The following METTL4 variants were observed in gnomAD, a reference collection of about 807,000 sequenced individuals.
METTL4 encodes the protein methyltransferase 4, N6-adenosine.
A neutral mutation model predicts 54.0 loss-of-function variants in METTL4; 40 were observed. That is an observed-to-expected ratio of 0.74 (90% CI 0.58 to 0.96). The LOEUF (loss-of-function observed/expected upper bound fraction) is 0.96. Ranked by LOEUF, METTL4 falls within the 50% of genes least tolerant of loss-of-function variation. METTL4 has a pLI of 0.00. For missense variants in METTL4, 525 were observed against 549.0 expected (o/e 0.96, Z 0.44); for synonymous variants, 169 against 183.8 (o/e 0.92, Z 0.65).
Position 2,567,253 on chromosome 18 carries a change from T to G in METTL4, c.-37A>C, listed in dbSNP as rs376310702. On this transcript the variant is annotated 5_prime_UTR_variant, in exon 2 of 9. Coordinates refer to ENST00000574538, the MANE Select transcript of METTL4 (RefSeq NM_022840.5). ...AAAAAAGCCTCTGGGAATTAGGAAC[T>G]AGAATGAAAATCCAACTTTCCAGAT... 4.6e-6 allele frequency: 7 copies of G among 1,524,878 alleles called. No individual in the cohort carries two copies. The highest frequency in any genetic ancestry group is 6.1e-6 in the Non-Finnish European group (7 of 1,139,298). 94.5% of individuals were successfully genotyped at this position (1,524,878 alleles called of 1,614,324 possible). A position where few individuals can be genotyped will look rare whatever the true frequency, so the allele number is the denominator to read the frequency against.
rs184248147 is a variant in METTL4 at position 2,555,661 on chromosome 18, A to G, written c.460-623T>C. ...CTCTATAAAACAAACATATAAACAA[A>G]GTTTTATAAAAATACAACTAAAATA... is the stretch of plus-strand genomic sequence containing the variant. On this transcript the variant is annotated intron_variant, in intron 3 of 8. Coordinates refer to ENST00000574538, the MANE Select transcript of METTL4 (RefSeq NM_022840.5). Among the ~76,000 whole-genome samples the G allele has an allele frequency of 3.2e-3, 494 of 152,330 alleles. 2 individuals carry two copies. The highest frequency in any genetic ancestry group is 0.01 in the Middle Eastern group (3 of 294).
intron 4 of METTL4, 144 bp from the exon 5 acceptor site, chr18:2,552,908 TCAAA>T (rs2072184764): frequency 3.5e-6 from 2 of 578,754 alleles, no homozygotes; most frequent in Non-Finnish European, 6.1e-6. Flanking sequence ...TAGCATTTAT[TCAAA>T]CAGAGTAATT....
chr18:2,540,659 C>T (rs765108591), intron 8 of METTL4: 40 of 985,266 alleles, frequency 4.1e-5, no homozygotes, highest in Middle Eastern at 5.2e-4. Context: ...AAATTAAATG[C>T]TACTAACCTT....
chr18:2,562,616 C>T (rs1286429934), intron 3 of METTL4, among the ~76,000 whole-genome samples: 1 of 152,056 alleles, frequency 6.6e-6, no homozygotes, highest in Non-Finnish European at 1.5e-5. Context: ...CTGATAAATG[C>T]TACAACATGG....
At chr18:2,563,919 AT>A in intron 2 of METTL4, 60 bp from the exon 3 acceptor site, 1 of 1,068,960 alleles carries the variant, frequency 9.4e-7, no homozygotes, top group Non-Finnish European at 1.4e-6. Flanking sequence ...TTGCTTTTTC[AT>A]TATAACATTA....
intron 4 of METTL4, 166 bp downstream of exon 4, chr18:2,554,502 CA>C: frequency 1.7e-6 from 1 of 592,266 alleles, no homozygotes; most frequent in Non-Finnish European, 2.9e-6. Context: ...TTAAAAAAAG[CA>C]AAAGTCAGCA....
At chr18:2,539,875 G>A (rs1212481975) in intron 8 of METTL4, 1 of 917,504 alleles carries the variant, frequency 1.1e-6, no homozygotes, top group Non-Finnish European at 1.3e-6. Context: ...ACAAAAGTCT[G>A]TCTGCAATAT....
chr18:2,564,564 G>A (rs2072374355), intron 2 of METTL4, among the ~76,000 whole-genome samples: 1 of 152,196 alleles, frequency 6.6e-6, no homozygotes, highest in Non-Finnish European at 1.5e-5. Context: ...GTATGAATCA[G>A]ATTTATATTG....
rs530999768 is a variant in METTL4 at position 2,554,774 on chromosome 18, A to G, written c.724T>C (p.Ser242Pro). The part of the protein sequence containing the change: ...DLFLRVVENN[S>P]SFTKVITLMG... Reference sequence around the variant, plus strand: ...AAAGTAATCACTTTTGTAAAGCTAGAGTTGTTTTCAACAACTCGCAAAAAT... The same window carrying G: ...AAAGTAATCACTTTTGTAAAGCTAGGGTTGTTTTCAACAACTCGCAAAAAT... Residue 242 changes from serine (S) to proline (P), a missense_variant, in exon 4 of 9, where the codon TCT (serine) becomes CCT (proline). Transcript: ENST00000574538. The G allele has an allele frequency of 6.2e-7, 1 of 1,613,906 alleles. No individual in the cohort carries two copies. The highest frequency in any genetic ancestry group is 2.2e-5 in the East Asian group (1 of 44,862).
chr18:2,563,908 T>G lies in METTL4; in HGVS notation c.397-49A>C, dbSNP rs376426216. ...GGAAAAGTTATGTTGCCATTAATAT[T>G]TTGCTTTTTCATTATAACATTATTT... On this transcript the variant is annotated intron_variant, in intron 2 of 8. Transcript: ENST00000574538. The G allele has an allele frequency of 1.5e-5, 21 of 1,434,864 alleles. No individual in the cohort carries two copies. In the South Asian group the frequency reaches 2.0e-4, roughly 13 times the overall value. The allele number at this position is 1,434,864 out of a possible 1,614,324, so 88.9% of individuals were successfully genotyped here.
At chr18:2,546,536 A>G (rs1370119660) in intron 6 of METTL4, among the ~76,000 whole-genome samples, 1 of 152,110 alleles carries the variant, frequency 6.6e-6, no homozygotes, top group Non-Finnish European at 1.5e-5. Flanking sequence ...CAGTAGATGA[A>G]AAAGTATACA....
At chr18:2,560,177 C>T (rs2072295041) in intron 3 of METTL4, among the ~76,000 whole-genome samples, 1 of 152,114 alleles carries the variant, frequency 6.6e-6, no homozygotes, top group African/African-American at 2.4e-5. Context: ...TAAAACACAA[C>T]ACATCGGAAC....
intron 5 of METTL4, among the ~76,000 whole-genome samples, chr18:2,549,361 T>C (rs2072117976): frequency 2.0e-5 from 3 of 151,436 alleles, no homozygotes; most frequent in Admixed American, 1.3e-4. Flanking sequence ...GAAAAGAAGA[T>C]GAGAAAAGGA....
At chr18:2,549,111 C>T (rs1941466941) in intron 5 of METTL4, among the ~76,000 whole-genome samples, 2 of 152,198 alleles carry the variant, frequency 1.3e-5, no homozygotes, top group Admixed American at 1.3e-4. Context: ...GGCCGCCAAC[C>T]TCCCTCAACT....
At chr18:2,544,959 T>C (rs760224171) in intron 6 of METTL4, among the ~76,000 whole-genome samples, 200 bp from the exon 7 acceptor site, 18 of 152,146 alleles carry the variant, frequency 1.2e-4, no homozygotes, top group Non-Finnish European at 2.6e-4. Context: ...ATTTTAATTA[T>C]ATATTTAATT....
At chr18:2,566,087 A>G (rs2072412798) in intron 2 of METTL4, among the ~76,000 whole-genome samples, 1 of 148,914 alleles carries the variant, frequency 6.7e-6, no homozygotes, top group Non-Finnish European at 1.5e-5. Context: ...ATAAATAAAT[A>G]AATAAAATAA....
At position 2,537,984 on chromosome 18, in the gene METTL4, G is replaced by A. The variant is rs1319054979; in HGVS notation, c.*1016C>T. ...GAAAGTGTTCTGTATCATGATCACT[G>A]TGGCAGACAGACAACTGTATATATG... On this transcript the variant is annotated 3_prime_UTR_variant, in exon 9 of 9. Transcript: ENST00000574538. 7.5e-6 allele frequency: 3 copies of A among 398,374 alleles called. No individual in the cohort carries two copies. The highest frequency in any genetic ancestry group is 6.2e-4 in the Middle Eastern group (1 of 1,608). The allele number at this position is 398,374 out of a possible 1,614,324, so 24.7% of individuals were successfully genotyped here.
chr18:2,548,168 T>C (rs1318664276), intron 5 of METTL4, among the ~76,000 whole-genome samples: 3 of 152,188 alleles, frequency 2.0e-5, no homozygotes, highest in Non-Finnish European at 4.4e-5. Flanking sequence ...CCTCATATTT[T>C]CATTTTGTAA....
At chr18:2,562,763 T>A (rs1269182500) in intron 3 of METTL4, among the ~76,000 whole-genome samples, 1 of 136,992 alleles carries the variant, frequency 7.3e-6, no homozygotes, top group Non-Finnish European at 1.6e-5. Flanking sequence ...TACCAGCAGC[T>A]GGGGGACGGG....
Sources: gnomAD v4.1 joint callset for allele counts (sites outside exome capture counted in the v4.1 genomes callset) on GRCh38, gnomAD v4.1.1 for gene constraint, MANE v1.5 for transcripts, NCBI Gene and HGNC (gene_info 2026-07-23, HGNC 2026-07-21) for gene names.